The following TBC1D16 variants were observed in gnomAD, a reference collection of about 807,000 sequenced individuals.
TBC1D16 encodes the protein TBC1 domain family member 16, also known as CTD-2529O21.1.
Under a neutral mutation model 74.7 loss-of-function variants are expected in TBC1D16, and 58 were observed. That is an observed-to-expected ratio of 0.78 (90% confidence interval 0.63 to 0.97). The LOEUF (loss-of-function observed/expected upper bound fraction) is 0.97, where lower values mean the gene tolerates loss of function less well. Among genes scored for constraint, TBC1D16 ranks in the 50% least tolerant of loss-of-function variants. The pLI is 0.00. For synonymous variants in TBC1D16, 493 were observed against 474.7 expected, an observed-to-expected ratio of 1.04 and a Z score of -0.50; for missense variants, 1,014 against 1,079.5, an observed-to-expected ratio of 0.94 and a Z score of 0.85.
chr17:80,015,126 G>A (rs73437637), intron 1 of TBC1D16, among the ~76,000 whole-genome samples: 2,651 of 152,270 alleles, frequency 0.017, 30 homozygotes, highest in Middle Eastern at 0.044. Context: ...AGGAACGACC[G>A]TGTCAGTGAA....
In TBC1D16 at chr17:80,010,089, G is replaced by A. The variant is rs139878400; in HGVS notation, c.779+71C>T. The A allele has an allele frequency of 3.6e-4, 472 of 1,293,192 alleles. 2 individuals carry two copies. In the Middle Eastern group the frequency reaches 3.8e-3, roughly 10 times the overall value. The allele number at this position is 1,293,192 out of a possible 1,614,324, so 80.1% of individuals were successfully genotyped here. ...CTCACCTGGCATCACAGGTGACGCAGGTGAGTGCTTCCTGCCCAGGTCAGG... is the reference window on the plus strand; with the variant it reads ...CTCACCTGGCATCACAGGTGACGCAAGTGAGTGCTTCCTGCCCAGGTCAGG... On this transcript the variant is annotated intron_variant, in intron 3 of 11. Coordinates refer to ENST00000310924, the MANE Select transcript of TBC1D16 (RefSeq NM_019020.4). This position sits in a 1 kb window ranked among gnomAD's most constrained non-coding sequence, Gnocchi z 8.8.
At position 79,948,934 on chromosome 17, in the gene TBC1D16, G is replaced by C; in HGVS notation, c.1479C>G (p.Val493=). 6.2e-7 allele frequency: 1 copy of C among 1,614,172 alleles called. No homozygotes were observed. The change falls in exon 8 of 12, where the codon GTC becomes GTG. Residue 493 remains valine, a synonymous_variant. Transcript: ENST00000310924. The part of the protein sequence containing the change: ...NVQFTVDKDV[V]RTDRNNQFFR... ...AGAACTGGTTGTTCCGATCTGTCCG[G>C]ACCACGTCTTTGTCCACAGTGAACT... is the stretch of plus-strand genomic sequence containing the variant.
In TBC1D16 at chr17:79,994,776, C is replaced by T. The variant is rs1054965895; in HGVS notation, c.779+15384G>A. ...GCCAATCTGTGTAGACTCGTGCTGG[C>T]CAAGGCAGTGACCCCAAGCCACATG... On this transcript the variant is annotated intron_variant, in intron 3 of 11. Transcript: ENST00000310924. This position sits in a 1 kb window ranked among gnomAD's most constrained non-coding sequence, Gnocchi z 4.6. Among the ~76,000 whole-genome samples, 19 of 151,996 alleles carry T rather than the reference C, an allele frequency of 1.3e-4. No individual in the cohort carries two copies. Among genetic ancestry groups the T allele is most frequent in the Non-Finnish European group, 2.2e-4 (15 of 68,010 alleles).
In TBC1D16 at chr17:79,980,030, C is replaced by T. The variant is rs1227668921; in HGVS notation, c.780-27212G>A. On this transcript the variant is annotated intron_variant, in intron 3 of 11. Coordinates refer to ENST00000310924, the MANE Select transcript of TBC1D16 (RefSeq NM_019020.4). The surrounding 1 kb of genome is among the most constrained non-coding windows in gnomAD (Gnocchi z 7.0). Reference sequence around the variant, plus strand: ...GTGCCTCCCCAGACCCTCTGGGCAGCCCATCCTTGCACCTGGAGGAGCAGC... The same window carrying T: ...GTGCCTCCCCAGACCCTCTGGGCAGTCCATCCTTGCACCTGGAGGAGCAGC... Among the ~76,000 whole-genome samples, 1 of 152,094 alleles carries T rather than the reference C, an allele frequency of 6.6e-6. No homozygotes were observed. The highest frequency in any genetic ancestry group is 1.5e-5 in the Non-Finnish European group (1 of 68,024).
At position 79,950,517 on chromosome 17, in the gene TBC1D16, G is replaced by A. The variant is rs371894434; in HGVS notation, c.1151C>T (p.Ser384Phe). 6.2e-6 allele frequency: 10 copies of A among 1,613,344 alleles called. No individual in the cohort carries two copies. Among genetic ancestry groups the A allele is most frequent in the African/African-American group, 4.0e-5 (3 of 74,942 alleles). The change falls in exon 6 of 12, where the codon TCC (serine) becomes TTC (phenylalanine). Residue 384 changes from serine to phenylalanine, a missense_variant. By Grantham distance (155) the Ser-to-Phe change is radical (BLOSUM62 -2). Coordinates refer to ENST00000310924, the MANE Select transcript of TBC1D16 (RefSeq NM_019020.4). The surrounding 1 kb of genome is among the most constrained non-coding windows in gnomAD (Gnocchi z 4.6). ...CATGCTCTCCTCGGGGTGCGTCTCG[G>A]AGGACGGCAGCTTGGGGCGGCGGAT... is the stretch of plus-strand genomic sequence containing the variant. Reference protein sequence around the residue: ...FSIRRPKLPSSETHPEESMYK... With the variant: ...FSIRRPKLPSFETHPEESMYK...
intron 1 of TBC1D16, among the ~76,000 whole-genome samples, chr17:80,018,331 G>T (rs942059676): frequency 3.4e-5 from 5 of 146,670 alleles, no homozygotes; most frequent in Admixed American, 3.3e-4. Context: ...GCCCAGGCTG[G>T]AGTGCAACGG....
chr17:80,006,925 T>G (rs1258480586), intron 3 of TBC1D16, among the ~76,000 whole-genome samples: 2 of 152,106 alleles, frequency 1.3e-5, no homozygotes, highest in Non-Finnish European at 2.9e-5. Context: ...CCTCCCAAAG[T>G]GCTGGGATTA....
rs141504634 is a variant in TBC1D16 at position 80,011,554 on chromosome 17, T to C, written c.182-797A>G. 3.5e-4 allele frequency among the ~76,000 whole-genome samples: 53 copies of C among 152,254 alleles called. 1 individual carries two copies. The East Asian group carries it at 0.01, about 30-fold the overall frequency. On this transcript the variant is annotated intron_variant, in intron 2 of 11. Coordinates refer to ENST00000310924, the MANE Select transcript of TBC1D16 (RefSeq NM_019020.4). The stretch of plus-strand genomic sequence containing the variant: ...CAAAAAGAATTCATACAGCCAGGCG[T>C]GATGGCTCACGCCTGTAATCCCAGC...
chr17:79,970,566 A>G (rs2034044784), intron 3 of TBC1D16, among the ~76,000 whole-genome samples: 1 of 152,194 alleles, frequency 6.6e-6, no homozygotes, highest in Admixed American at 6.5e-5. Flanking sequence ...CCACCCTCTC[A>G]ACCTGCAGAC....
At position 79,993,262 on chromosome 17, in the gene TBC1D16, C is replaced by T. The variant is rs73423983; in HGVS notation, c.779+16898G>A. The stretch of plus-strand genomic sequence containing the variant: ...TGGGGGTAATAAGGTCAGGGATATG[C>T]CCCAGGCCGCCTGCTTCCACCAGCC... On this transcript the variant is annotated intron_variant, in intron 3 of 11. Transcript: ENST00000310924. The surrounding 1 kb of genome is among the most constrained non-coding windows in gnomAD (Gnocchi z 5.1). 8.7e-3 allele frequency among the ~76,000 whole-genome samples: 1,324 copies of T among 152,288 alleles called. 18 individuals carry two copies. The highest frequency in any genetic ancestry group is 0.031 in the African/African-American group (1,276 of 41,548).
intron 2 of TBC1D16, among the ~76,000 whole-genome samples, chr17:80,012,731 A>G (rs1351026456): frequency 6.6e-6 from 1 of 152,180 alleles, no homozygotes; most frequent in Non-Finnish European, 1.5e-5. Context: ...CTATTTTGCC[A>G]TCTTGTCTGG....
At chr17:79,945,355 C>T (rs1409598944) in intron 9 of TBC1D16, among the ~76,000 whole-genome samples, 1 of 152,166 alleles carries the variant, frequency 6.6e-6, no homozygotes, top group South Asian at 2.1e-4. Flanking sequence ...TGTGCCCGGG[C>T]GTGGCAGGAC....
chr17:79,944,168 GC>G lies in TBC1D16; in HGVS notation c.1908+739del. The G allele has an allele frequency of 6.5e-7, 1 of 1,532,548 alleles. No individual in the cohort carries two copies. The highest frequency in any genetic ancestry group is 8.7e-7 in the Non-Finnish European group (1 of 1,143,788). The allele number at this position is 1,532,548 out of a possible 1,614,324, so 94.9% of individuals were successfully genotyped here. A position where few individuals can be genotyped will look rare whatever the true frequency, so the allele number is the denominator to read the frequency against. On this transcript the variant is annotated intron_variant, in intron 10 of 11. Coordinates refer to ENST00000310924, the MANE Select transcript of TBC1D16 (RefSeq NM_019020.4). The surrounding 1 kb of genome is among the most constrained non-coding windows in gnomAD (Gnocchi z 7.7). ...AATGTCTTCCAGCAGATGGGTGTTT[GC>G]CTCCATCTTCAGGGTTCTCTGACGG...
chr17:79,945,673 A>T (rs1407972286), intron 9 of TBC1D16, among the ~76,000 whole-genome samples: 2 of 152,186 alleles, frequency 1.3e-5, no homozygotes, highest in African/African-American at 4.8e-5. Flanking sequence ...CCGCTGGAAA[A>T]TCAATCTCCA....
rs1225681109 is a variant in TBC1D16, at chr17:79,975,801, C to T, written c.780-22983G>A. 1.3e-5 allele frequency among the ~76,000 whole-genome samples: 2 copies of T among 152,264 alleles called. No individual in the cohort carries two copies. The highest frequency in any genetic ancestry group is 1.3e-4 in the Admixed American group (2 of 15,290). ...TTCAGGCAATGCCTGCGTCTGCCCACACCTGCAGAGCATGAGCCCCACTTT... is the reference window on the plus strand; with the variant it reads ...TTCAGGCAATGCCTGCGTCTGCCCATACCTGCAGAGCATGAGCCCCACTTT... On this transcript the variant is annotated intron_variant, in intron 3 of 11. Coordinates refer to ENST00000310924, the MANE Select transcript of TBC1D16 (RefSeq NM_019020.4). This position sits in a 1 kb window ranked among gnomAD's most constrained non-coding sequence, Gnocchi z 4.5.
intron 8 of TBC1D16, among the ~76,000 whole-genome samples, chr17:79,948,526 C>G (rs2032757108): frequency 1.3e-5 from 2 of 152,092 alleles, no homozygotes; most frequent in East Asian, 1.9e-4. Context: ...GCCTCTGGCT[C>G]TGTGTGGCTG....
intron 3 of TBC1D16, among the ~76,000 whole-genome samples, chr17:80,003,159 G>A (rs1002238461): frequency 1.3e-5 from 2 of 152,224 alleles, no homozygotes; most frequent in African/African-American, 4.8e-5. Context: ...ACCCCCAGGT[G>A]GGCAGCACAT....
At chr17:79,951,315 A>G in intron 5 of TBC1D16, 135 bp downstream of exon 5, 3 of 1,140,952 alleles carry the variant, frequency 2.6e-6, no homozygotes, top group South Asian at 3.2e-5. Context: ...CTGACGGCCA[A>G]AAACTACCGT....
At chr17:79,946,093 G>GTTGGC (rs1462423897) in intron 9 of TBC1D16, among the ~76,000 whole-genome samples, 1 of 152,186 alleles carries the variant, frequency 6.6e-6, no homozygotes, top group Non-Finnish European at 1.5e-5. Flanking sequence ...AATCCTCTCT[G>GTTGGC]TTGGCATCAG....
Sources: allele counts gnomAD v4.1 joint callset (sites outside exome capture counted in the v4.1 genomes callset), GRCh38; gene constraint gnomAD v4.1.1; non-coding constraint Gnocchi (gnomAD v3.1); transcripts MANE v1.5; gene names NCBI Gene and HGNC (gene_info 2026-07-23, HGNC 2026-07-21).